Variants in PCDH11X observed in about 807,000 individuals in gnomAD.
PCDH11X encodes the protein protocadherin 11 X-linked.
In PCDH11X, 18 loss-of-function variants were observed where a neutral mutation model predicts 53.3. The ratio of observed to expected loss-of-function variants is 0.34; its 90% CI spans 0.23 to 0.50. The LOEUF (loss-of-function observed/expected upper bound fraction) is 0.50, where lower values mean the gene tolerates loss of function less well. PCDH11X is among the 20% of genes least tolerant of loss of function. The pLI, the probability that PCDH11X is intolerant of heterozygous loss-of-function variation, is 0.98. For missense variants in PCDH11X, 570 were observed against 1,032.4 expected (o/e 0.55, Z 6.14); for synonymous variants, 279 against 393.3 (o/e 0.71, Z 3.44).
At chrX:91,864,426 T>C (rs1370228662) in intron 5 of PCDH11X, among the ~76,000 whole-genome samples, 9 of 104,975 alleles carry the variant, frequency 8.6e-5, no homozygotes, top group Non-Finnish European at 5.8e-5. Context: ...CCTCTCTTGC[T>C]GTCTTTAGGA....
intron 6 of PCDH11X, among the ~76,000 whole-genome samples, chrX:91,930,664 A>G (rs1464402879): frequency 9.4e-6 from 1 of 106,561 alleles, no homozygotes; most frequent in African/African-American, 3.4e-5. Context: ...GCTAGCAAAT[A>G]CAACAGAGCT....
intron 5 of PCDH11X, among the ~76,000 whole-genome samples, chrX:91,839,610 AT>A (rs1170280237): frequency 5.1e-4 from 56 of 110,730 alleles, no homozygotes; most frequent in African/African-American, 1.7e-3. Context: ...TCCAAAAAAA[AT>A]AAATAAATAA....
chrX:91,960,269 A>C (rs1335574627), intron 6 of PCDH11X, among the ~76,000 whole-genome samples: 1 of 107,606 alleles, frequency 9.3e-6, no homozygotes, highest in Admixed American at 1.0e-4. Flanking sequence ...TAAGCTTTTT[A>C]GTTTAATGCA....
At chrX:91,835,282 T>C in intron 4 of PCDH11X, 179 bp from the exon 5 acceptor site, 1 of 1,123,242 alleles carries the variant, frequency 8.9e-7, no homozygotes. Context: ...TTATTCTTAA[T>C]GTACGAATTC....
chrX:91,892,455 A>G (rs1321732402), intron 6 of PCDH11X, among the ~76,000 whole-genome samples: 1 of 110,002 alleles, frequency 9.1e-6, no homozygotes. Context: ...GGACTTTGCA[A>G]TCTTAACCAG....
intron 9 of PCDH11X, among the ~76,000 whole-genome samples, chrX:92,424,398 G>A (rs1399097111): frequency 1.0e-5 from 1 of 95,762 alleles, no homozygotes; most frequent in Non-Finnish European, 2.3e-5. Flanking sequence ...CATGATTCAG[G>A]GGATAATCTG....
chrX:92,257,158 G>A (rs1336323395), intron 7 of PCDH11X, among the ~76,000 whole-genome samples: 2 of 111,168 alleles, frequency 1.8e-5, no homozygotes, highest in Non-Finnish European at 3.8e-5. Context: ...AAGGGAAAAA[G>A]GAGCTGCTAC....
At chrX:91,932,333 GA>G (rs2147841013) in intron 6 of PCDH11X, among the ~76,000 whole-genome samples, 1 of 107,762 alleles carries the variant, frequency 9.3e-6, no homozygotes, top group African/African-American at 3.4e-5. Context: ...TTGAGTTTTG[GA>G]AAGAGAAATG....
chrX:92,420,032 T>G (rs757923887), intron 9 of PCDH11X, among the ~76,000 whole-genome samples: 2 of 111,326 alleles, frequency 1.8e-5, no homozygotes, highest in African/African-American at 3.3e-5. Flanking sequence ...CATATTCCAC[T>G]TTAATATATC....
intron 8 of PCDH11X, among the ~76,000 whole-genome samples, chrX:92,363,457 G>T (rs1038192775): frequency 9.1e-6 from 1 of 109,533 alleles, no homozygotes; most frequent in Non-Finnish European, 1.9e-5. Flanking sequence ...ATTGTTCATT[G>T]TTAGTGTTTA....
chrX:92,439,085 C>T (rs1267953508), intron 9 of PCDH11X, among the ~76,000 whole-genome samples: 1 of 109,727 alleles, frequency 9.1e-6, no homozygotes, highest in African/African-American at 3.3e-5. Context: ...GGAATTTCAA[C>T]AAATATCAGA....
intron 6 of PCDH11X, among the ~76,000 whole-genome samples, chrX:91,997,117 G>A (rs1221858656): frequency 9.0e-6 from 1 of 110,759 alleles, no homozygotes; most frequent in Non-Finnish European, 1.9e-5. Context: ...ATTTCTAACA[G>A]GTTTTGGTGG....
chrX:91,805,577 G>A (rs192967247), intron 1 of PCDH11X, among the ~76,000 whole-genome samples: 3 of 111,117 alleles, frequency 2.7e-5, no homozygotes, highest in Non-Finnish European at 3.8e-5. Flanking sequence ...TACTTTGGGA[G>A]GCCAAAGCAG....
chrX:92,233,938 G>C (rs983163221), intron 7 of PCDH11X, among the ~76,000 whole-genome samples: 1 of 112,137 alleles, frequency 8.9e-6, no homozygotes, highest in Non-Finnish European at 1.9e-5. Context: ...TGAAGAAACA[G>C]TGATTTCAAT....
Position 91,938,730 on chromosome X carries a change from A to G in PCDH11X, c.3033+59457A>G, listed in dbSNP as rs371131057. 3.8e-3 allele frequency among the ~76,000 whole-genome samples: 420 copies of G among 110,956 alleles called. 3 individuals are homozygous for G. The highest frequency in any genetic ancestry group is 0.013 in the African/African-American group (400 of 30,644). ...TGCCTGTTTCTACTAGTCAGACTGG[A>G]AAAAGAATTATGTTTCTAAGGCACT... On this transcript the variant is annotated intron_variant, in intron 6 of 10. Coordinates refer to ENST00000682573, the MANE Select transcript of PCDH11X (RefSeq NM_032968.5).
intron 9 of PCDH11X, among the ~76,000 whole-genome samples, chrX:92,394,074 A>G (rs1357794027): frequency 1.8e-5 from 2 of 111,084 alleles, no homozygotes; most frequent in Admixed American, 9.6e-5. Context: ...ATGTAGACCA[A>G]TTGAAAAATG....
chrX:92,333,468 A>T, intron 8 of PCDH11X, among the ~76,000 whole-genome samples: 1 of 111,650 alleles, frequency 9.0e-6, no homozygotes, highest in Admixed American at 9.6e-5. Context: ...AATTTCCCAA[A>T]AATTGCTTTG....
At chrX:92,537,269 T>C (rs770191013) in intron 10 of PCDH11X, among the ~76,000 whole-genome samples, 22 of 108,867 alleles carry the variant, frequency 2.0e-4, no homozygotes, top group African/African-American at 7.3e-4. Context: ...CTTAAGAAAT[T>C]TTGGCCCAGA....
chrX:92,442,537 G>A (rs1371164872), intron 9 of PCDH11X, among the ~76,000 whole-genome samples: 1 of 111,693 alleles, frequency 9.0e-6, no homozygotes, highest in Non-Finnish European at 1.9e-5. Context: ...AAGATGTGAT[G>A]TGCACCATGA....
Sources: allele counts gnomAD v4.1 joint callset (sites outside exome capture counted in the v4.1 genomes callset), GRCh38; gene constraint gnomAD v4.1.1; transcripts MANE v1.5; gene names NCBI Gene and HGNC (gene_info 2026-07-23, HGNC 2026-07-21).